The following FCHSD2 variants were observed in gnomAD, a reference collection of about 807,000 sequenced individuals.
FCHSD2 encodes FCH and double SH3 domains 2, also known as F-BAR and double SH3 domains protein 2.
In FCHSD2, 38 loss-of-function variants were observed where a neutral mutation model predicts 108.1. The ratio of observed to expected loss-of-function variants is 0.35; its 90% CI spans 0.27 to 0.46. The LOEUF is 0.46. FCHSD2 is among the 20% of genes least tolerant of loss of function. The pLI, the probability that FCHSD2 is intolerant of heterozygous loss-of-function variation, is 1.00. For missense variants in FCHSD2, 751 were observed against 897.8 expected, an observed-to-expected ratio of 0.84 and a Z score of 2.09; for synonymous variants, 279 against 314.7, an observed-to-expected ratio of 0.89 and a Z score of 1.20.
intron 2 of FCHSD2, among the ~76,000 whole-genome samples, chr11:73,106,233 C>A (rs968937179): frequency 1.2e-4 from 18 of 152,066 alleles, no homozygotes; most frequent in Middle Eastern, 6.8e-3. Context: ...ATAGTGAGAA[C>A]CCATCTCTAC....
At chr11:73,082,725 A>C (rs965628216) in intron 3 of FCHSD2, among the ~76,000 whole-genome samples, 1 of 152,160 alleles carries the variant, frequency 6.6e-6, no homozygotes, top group Non-Finnish European at 1.5e-5. Flanking sequence ...CATATTTTAA[A>C]ATTTTTGCTA....
chr11:72,838,957 G>A lies in FCHSD2; in HGVS notation c.2140-83C>T, dbSNP rs955776867. ...ATCCCCAAAACCTAATCACTCATCT[G>A]TCCAAGGACATGGGCACCCTAGGGG... is the stretch of plus-strand genomic sequence containing the variant. On this transcript the variant is annotated intron_variant, in intron 19 of 19. Coordinates refer to ENST00000409418, the MANE Select transcript of FCHSD2 (RefSeq NM_014824.3). 2.5e-5 allele frequency: 33 copies of A among 1,297,586 alleles called. No homozygotes were observed. In the African/African-American group the frequency reaches 4.7e-4, roughly 18 times the overall value. The allele number at this position is 1,297,586 out of a possible 1,614,324, so 80.4% of individuals were successfully genotyped here.
intron 13 of FCHSD2, among the ~76,000 whole-genome samples, chr11:72,859,705 C>T (rs1434141719): frequency 2.0e-5 from 3 of 152,124 alleles, no homozygotes; most frequent in Non-Finnish European, 4.4e-5. Context: ...GCAGAGGGTC[C>T]TCCTCAAGAC....
At chr11:72,898,960 G>C (rs11235611) in intron 10 of FCHSD2, among the ~76,000 whole-genome samples, 24,659 of 151,810 alleles carry the variant, frequency 0.16, 2,406 homozygotes, top group Non-Finnish European at 0.23. Context: ...GCCCAGGCTG[G>C]TCTCGAACTC....
chr11:72,944,011 T>C (rs1856471210), intron 8 of FCHSD2, among the ~76,000 whole-genome samples: 2 of 152,078 alleles, frequency 1.3e-5, no homozygotes, highest in Non-Finnish European at 1.5e-5. Context: ...ACTATTCCAA[T>C]GAATAGAAAA....
chr11:73,075,294 ATTCC>A (rs1179989372), intron 3 of FCHSD2, among the ~76,000 whole-genome samples: 1 of 152,202 alleles, frequency 6.6e-6, no homozygotes, highest in African/African-American at 2.4e-5. Flanking sequence ...CAACAATTCC[ATTCC>A]TTAGGTAAAT....
chr11:73,027,408 A>G (rs1036459672), intron 3 of FCHSD2, among the ~76,000 whole-genome samples: 1 of 152,230 alleles, frequency 6.6e-6, no homozygotes, highest in Non-Finnish European at 1.5e-5. Context: ...TATCTGGCAG[A>G]AGAAATTTCT....
chr11:73,097,550 T>A (rs534984287), intron 2 of FCHSD2, among the ~76,000 whole-genome samples: 1 of 151,448 alleles, frequency 6.6e-6, no homozygotes, highest in South Asian at 2.1e-4. Flanking sequence ...TGTTAATTCA[T>A]CATTAACTGT....
intron 8 of FCHSD2, among the ~76,000 whole-genome samples, chr11:72,975,534 A>T (rs1339120991): frequency 9.2e-5 from 14 of 152,202 alleles, no homozygotes; most frequent in Admixed American, 9.2e-4. Context: ...ACACTCCATG[A>T]TATATAATAA....
intron 2 of FCHSD2, among the ~76,000 whole-genome samples, chr11:73,109,724 C>A (rs1314601516): frequency 6.6e-6 from 1 of 152,152 alleles, no homozygotes; most frequent in African/African-American, 2.4e-5. Flanking sequence ...GCTAGGACTT[C>A]CAGTAATACA....
intron 9 of FCHSD2, among the ~76,000 whole-genome samples, chr11:72,910,069 C>A (rs147676031): frequency 0.018 from 2,677 of 148,252 alleles, 26 homozygotes; most frequent in Non-Finnish European, 0.029. Context: ...TCTGCCCGGC[C>A]GCCCCATCTG....
At position 72,989,048 on chromosome 11, in the gene FCHSD2, T is replaced by C. The variant is rs371294708; in HGVS notation, c.437A>G (p.Lys146Arg). 6.2e-7 allele frequency: 1 copy of C among 1,609,726 alleles called. No homozygotes were observed. The highest frequency in any genetic ancestry group is 1.3e-5 in the African/African-American group (1 of 74,886). ...KIQTELQETV[K>R]DLAKGKKKYF... Reference sequence around the variant, plus strand: ...TTTCTTTTTGCCTTTAGCTAAATCTTTCACTGTCTCTTGTAATTCAGTTTG... The same window carrying C: ...TTTCTTTTTGCCTTTAGCTAAATCTCTCACTGTCTCTTGTAATTCAGTTTG... Residue 146 changes from lysine to arginine, a missense_variant, in exon 6 of 20, where the codon AAA (lysine) becomes AGA (arginine). Coordinates refer to ENST00000409418, the MANE Select transcript of FCHSD2 (RefSeq NM_014824.3).
At chr11:72,935,108 A>G (rs1008046620) in intron 8 of FCHSD2, among the ~76,000 whole-genome samples, 3 of 151,424 alleles carry the variant, frequency 2.0e-5, no homozygotes, top group South Asian at 2.1e-4. Flanking sequence ...AATAGTGAAG[A>G]AAAAAAAAGG....
intron 3 of FCHSD2, among the ~76,000 whole-genome samples, chr11:73,031,713 G>A (rs1460265644): frequency 2.0e-5 from 3 of 152,084 alleles, no homozygotes; most frequent in Non-Finnish European, 4.4e-5. Flanking sequence ...TGACTCCAAG[G>A]CCAGTCCACA....
rs772249889 is a variant in FCHSD2, at chr11:73,141,816, G to T, written c.21+41C>A. 10 of 1,535,020 alleles carry T rather than the reference G, an allele frequency of 6.5e-6. No homozygotes were observed. In the East Asian group the frequency reaches 2.0e-4, roughly 31 times the overall value. ...GTCGCCCCAGCCGCGTTCCGCGTAC[G>T]CATCTCTCCGAACCCCAAAGCCCCC... On this transcript the variant is annotated intron_variant, in intron 1 of 19. Transcript: ENST00000409418.
At chr11:72,887,600 G>A (rs1252641337) in intron 11 of FCHSD2, 26 bp from the exon 12 acceptor site, 1 of 1,394,476 alleles carries the variant, frequency 7.2e-7, no homozygotes, top group Non-Finnish European at 9.7e-7. Context: ...GGACAATAAT[G>A]ATGACTGTTT....
intron 2 of FCHSD2, among the ~76,000 whole-genome samples, chr11:73,097,700 G>A (rs1319796405): frequency 6.9e-6 from 1 of 144,642 alleles, no homozygotes; most frequent in Non-Finnish European, 1.5e-5. Flanking sequence ...ATCAGTTTTA[G>A]TAATTTGTGT....
intron 3 of FCHSD2, among the ~76,000 whole-genome samples, chr11:73,034,935 C>T (rs551869333): frequency 1.3e-5 from 2 of 152,162 alleles, no homozygotes; most frequent in African/African-American, 2.4e-5. Context: ...GGTCACTCCA[C>T]AGGCAGCTAA....
intron 3 of FCHSD2, among the ~76,000 whole-genome samples, chr11:73,075,074 A>G (rs1386727202): frequency 6.6e-6 from 1 of 152,236 alleles, no homozygotes; most frequent in Non-Finnish European, 1.5e-5. Flanking sequence ...ATTAATCATC[A>G]GGAAAGTGCA....
Sources: allele counts gnomAD v4.1 joint callset (sites outside exome capture counted in the v4.1 genomes callset), GRCh38; gene constraint gnomAD v4.1.1; transcripts MANE v1.5; gene names NCBI Gene and HGNC (gene_info 2026-07-23, HGNC 2026-07-21).